The following DGAT1 variants were observed in gnomAD, a reference collection of about 807,000 sequenced individuals.
DGAT1 encodes ACAT related gene product 1.
A neutral mutation model predicts 72.6 loss-of-function variants in DGAT1; 60 were observed. That is an observed-to-expected ratio of 0.83 (90% CI 0.67 to 1.02). DGAT1 has a LOEUF of 1.02. DGAT1 is among the 50% of genes least tolerant of loss of function. DGAT1 has a pLI of 0.00. For missense variants in DGAT1, 592 were observed against 670.0 expected (o/e 0.88, Z 1.29); for synonymous variants, 290 against 267.5 (o/e 1.08, Z -0.82).
Position 144,314,969 on chromosome 8 carries a change from C to A in DGAT1, c.*1585G>T, listed in dbSNP as rs1171547434. 1 of 985,742 alleles carries A rather than the reference C, an allele frequency of 1.0e-6. No homozygotes were observed. Among genetic ancestry groups the A allele is most frequent in the Non-Finnish European group, 1.2e-6 (1 of 830,310 alleles). The allele number at this position is 985,742 out of a possible 1,614,324, so 61.1% of individuals were successfully genotyped here. A position where few individuals can be genotyped will look rare whatever the true frequency, so the allele number is the denominator to read the frequency against. On this transcript the variant is annotated 3_prime_UTR_variant, in exon 17 of 17. Transcript: ENST00000528718. ...TGGTTGTCACAGGACCACCAGGAAC[C>A]CCCTTCCCAAGGTGTTCGCACTCGG... is the stretch of plus-strand genomic sequence containing the variant.
At position 144,319,573 on chromosome 8, in the gene DGAT1, G is replaced by A. The variant is rs1206652067; in HGVS notation, c.289-505C>T. 3.9e-5 allele frequency among the ~76,000 whole-genome samples: 6 copies of A among 152,322 alleles called. No individual in the cohort carries two copies. In the East Asian group the frequency reaches 1.2e-3, roughly 29 times the overall value. ...AGGGGGAGTTGTCTACTCTTTCTCT[G>A]CAGGAGCAGTGTCCAGCTGTGTCGC... On this transcript the variant is annotated intron_variant, in intron 2 of 16. Coordinates refer to ENST00000528718, the MANE Select transcript of DGAT1 (RefSeq NM_012079.6).
chr8:144,319,787 C>T (rs1231070923), intron 2 of DGAT1, among the ~76,000 whole-genome samples: 1 of 152,216 alleles, frequency 6.6e-6, no homozygotes, highest in Non-Finnish European at 1.5e-5. Context: ...ACAGGAACCT[C>T]CTCCTCCATC....
rs782637933 is a variant in DGAT1 at position 144,318,184 on chromosome 8, G to A, written c.677-15C>T. ...CCCTGCAGAGGCTACGAGCACAGCA[G>A]AGTGGGAGGGGGCTGGTGGGGCCCT... On this transcript the variant is annotated splice_polypyrimidine_tract_variant and intron_variant, in intron 7 of 16. Transcript: ENST00000528718. The A allele has an allele frequency of 2.5e-6, 4 of 1,608,714 alleles. No homozygotes were observed. The highest frequency in any genetic ancestry group is 1.3e-5 in the African/African-American group (1 of 74,814).
chr8:144,319,290 ATCAC>A, intron 2 of DGAT1, among the ~76,000 whole-genome samples: 1 of 152,310 alleles, frequency 6.6e-6, no homozygotes, highest in African/African-American at 2.4e-5. Flanking sequence ...CCCTGTCCCC[ATCAC>A]ACCAGACGGT....
At chr8:144,316,789 T>C in intron 16 of DGAT1, 64 bp downstream of exon 16, 1 of 1,594,378 alleles carries the variant, frequency 6.3e-7, no homozygotes, top group Non-Finnish European at 8.5e-7. Flanking sequence ...ATGGGGAGGG[T>C]CAGCCGAGGG....
rs1211464213 is a variant in DGAT1, at chr8:144,326,326, C to G, written c.200+111G>C. The G allele has an allele frequency of 2.9e-6, 3 of 1,043,010 alleles. No homozygotes were observed. In the South Asian group the frequency reaches 8.3e-5, roughly 29 times the overall value. 64.6% of individuals were successfully genotyped at this position (1,043,010 alleles called of 1,614,324 possible). A position where few individuals can be genotyped will look rare whatever the true frequency, so the allele number is the denominator to read the frequency against. Reference sequence around the variant, plus strand: ...CACAGGGCCCATAGGGCACACCGATCCCCGCTTAGCCCAGGGCCCATGTTC... The same window carrying G: ...CACAGGGCCCATAGGGCACACCGATGCCCGCTTAGCCCAGGGCCCATGTTC... On this transcript the variant is annotated intron_variant, in intron 1 of 16. Transcript: ENST00000528718.
chr8:144,324,103 G>A (rs1045414458), intron 1 of DGAT1, among the ~76,000 whole-genome samples: 36 of 152,336 alleles, frequency 2.4e-4, no homozygotes, highest in African/African-American at 8.2e-4. Flanking sequence ...AAAGAGCCTG[G>A]CAGGAGTGAG....
intron 1 of DGAT1, 125 bp downstream of exon 1, chr8:144,326,303 CAGGGCCCAT>C: frequency 1.2e-6 from 1 of 844,746 alleles, no homozygotes; most frequent in Non-Finnish European, 1.6e-6. Context: ...AGTTTCCCCA[CAGGGCCCAT>C]AGGGCACACC....
intron 16 of DGAT1, 49 bp downstream of exon 16, chr8:144,316,804 A>G: frequency 6.3e-7 from 1 of 1,598,360 alleles, no homozygotes; most frequent in South Asian, 1.1e-5. Context: ...CGAGGGGTTC[A>G]GGTGCGGGGT....
chr8:144,315,604 C>T lies in DGAT1; in HGVS notation c.*950G>A. On this transcript the variant is annotated 3_prime_UTR_variant, in exon 17 of 17. Transcript: ENST00000528718. ...GACCTCCCGCTACCATCAAGGGGGG[C>T]CCCATCTATCCAGCTTGGTGGATTG... 1.0e-6 allele frequency: 1 copy of T among 985,636 alleles called. No homozygotes were observed. The highest frequency in any genetic ancestry group is 1.2e-6 in the Non-Finnish European group (1 of 830,058). 61.1% of individuals were successfully genotyped at this position (985,636 alleles called of 1,614,324 possible).
intron 1 of DGAT1, among the ~76,000 whole-genome samples, chr8:144,326,185 C>T (rs1300446250): frequency 1.3e-5 from 2 of 152,094 alleles, no homozygotes; most frequent in Non-Finnish European, 2.9e-5. Context: ...GATGCACAGA[C>T]CCAAGAGGAT....
rs1554848799 is a variant in DGAT1, at chr8:144,326,503, TC to T, written c.133del (p.Asp45ThrfsTer22). 2.3e-6 allele frequency: 3 copies of T among 1,278,122 alleles called. No individual in the cohort carries two copies. Among genetic ancestry groups the T allele is most frequent in the Non-Finnish European group, 9.9e-7 (1 of 1,008,942 alleles). The allele number at this position is 1,278,122 out of a possible 1,614,324, so 79.2% of individuals were successfully genotyped here. On this transcript the variant is annotated frameshift_variant, in exon 1 of 17. Coordinates refer to ENST00000528718, the MANE Select transcript of DGAT1 (RefSeq NM_012079.6). LOFTEE classifies it high-confidence loss of function. The stretch of plus-strand genomic sequence containing the variant: ...CTTGTTGGGGGCCGGGGCTGGCGCG[TC>T]CCCCGCGGCTCCCACGTCGGGGCCC... ...AAGPDVGAAGDAPAPAPNKDG... is the reference protein window; with the variant it reads ...AAGPDVGAAGXAPAPAPNKDG...
rs1817351239 is a variant in DGAT1 at position 144,318,868 on chromosome 8, G to C, written c.382C>G (p.Pro128Ala). 6.2e-7 allele frequency: 1 copy of C among 1,612,012 alleles called. No homozygotes were observed. The highest frequency in any genetic ancestry group is 1.1e-5 in the South Asian group (1 of 90,858). The change falls in exon 4 of 17, where the codon CCC becomes GCC. Residue 128 changes from proline to alanine, a missense_variant. Coordinates refer to ENST00000528718, the MANE Select transcript of DGAT1 (RefSeq NM_012079.6). The stretch of plus-strand genomic sequence containing the variant: ...AGGCATGGGGCGGGCCAGCTATAGG[G>C]ATCCTTCAGGAACAGAGAAACCACC... The part of the protein sequence containing the change: ...IQVVSLFLKD[P>A]YSWPAPCLVI...
chr8:144,317,773 A>T lies in DGAT1; in HGVS notation c.894+11T>A, dbSNP rs1175747752. On this transcript the variant is annotated intron_variant, in intron 10 of 16. Coordinates refer to ENST00000528718, the MANE Select transcript of DGAT1 (RefSeq NM_012079.6). ...GCCCAGCTACACCCAACCCTGCCCT[A>T]CCCCACTTACCTGCTGGATCAGCCC... 6.2e-7 allele frequency: 1 copy of T among 1,612,888 alleles called. No individual in the cohort carries two copies. Among genetic ancestry groups the T allele is most frequent in the East Asian group, 2.2e-5 (1 of 44,860 alleles).
Position 144,315,738 on chromosome 8 carries a change from C to T in DGAT1, c.*816G>A, listed in dbSNP as rs1554846843. The T allele has an allele frequency of 1.2e-5, 11 of 915,770 alleles. No individual in the cohort carries two copies. The African/African-American group carries it at 1.8e-4, about 15-fold the overall frequency. The allele number at this position is 915,770 out of a possible 1,614,324, so 56.7% of individuals were successfully genotyped here. A position where few individuals can be genotyped will look rare whatever the true frequency, so the allele number is the denominator to read the frequency against. ...AAGGCAGGCCTGGGGATCAGGGGTG[C>T]CCCAACCTCGTGGAGGGCAGCTGAG... On this transcript the variant is annotated 3_prime_UTR_variant, in exon 17 of 17. Coordinates refer to ENST00000528718, the MANE Select transcript of DGAT1 (RefSeq NM_012079.6).
rs782474286 is a variant in DGAT1 at position 144,316,844 on chromosome 8, G to A, written c.1311+9C>T. 20 of 1,608,080 alleles carry A rather than the reference G, an allele frequency of 1.2e-5. No individual in the cohort carries two copies. Among genetic ancestry groups the A allele is most frequent in the Middle Eastern group, 1.6e-4 (1 of 6,078 alleles). ...GGGCGAGTGAGGAGGCCACGTGGGG[G>A]TCACTCACCTGAGCCATCATGCCCG... On this transcript the variant is annotated intron_variant, in intron 16 of 16. Coordinates refer to ENST00000528718, the MANE Select transcript of DGAT1 (RefSeq NM_012079.6).
At position 144,326,528 on chromosome 8, in the gene DGAT1, C is replaced by A; in HGVS notation, c.109G>T (p.Gly37Cys). The change falls in exon 1 of 17, where the codon GGC becomes TGC. Residue 37 changes from glycine (G) to cysteine (C), a missense_variant. Physicochemically the swap from Gly to Cys is radical, Grantham distance 159 (BLOSUM62 -3). Transcript: ENST00000528718. Reference protein sequence around the residue: ...AEEEVRDAAAGPDVGAAGDAP... With the variant: ...AEEEVRDAAACPDVGAAGDAP... ...TCCCCCGCGGCTCCCACGTCGGGGC[C>A]CGCAGCGGCGTCCCGCACCTCCTCT... 1 of 1,272,662 alleles carries A rather than the reference C, an allele frequency of 7.9e-7. No homozygotes were observed. The highest frequency in any genetic ancestry group is 9.9e-7 in the Non-Finnish European group (1 of 1,008,224). 78.8% of individuals were successfully genotyped at this position (1,272,662 alleles called of 1,614,324 possible).
In DGAT1 at chr8:144,316,281, G is replaced by A. The variant is rs1446737045; in HGVS notation, c.*273C>T. 3 of 439,670 alleles carry A rather than the reference G, an allele frequency of 6.8e-6. No individual in the cohort carries two copies. Among genetic ancestry groups the A allele is most frequent in the African/African-American group, 4.0e-5 (2 of 50,434 alleles). The allele number at this position is 439,670 out of a possible 1,614,324, so 27.2% of individuals were successfully genotyped here. A position where few individuals can be genotyped will look rare whatever the true frequency, so the allele number is the denominator to read the frequency against. On this transcript the variant is annotated 3_prime_UTR_variant, in exon 17 of 17. Transcript: ENST00000528718. ...CCACCAGGCCCCAGGCCCCTGGCAG[G>A]CTGAAGAGGTCACTGGACAGCACTT...
intron 16 of DGAT1, 47 bp downstream of exon 16, chr8:144,316,806 G>A (rs1554847098): frequency 6.3e-7 from 1 of 1,599,274 alleles, no homozygotes; most frequent in Non-Finnish European, 8.5e-7. Context: ...AGGGGTTCAG[G>A]TGCGGGGTAA....
Sources: gnomAD v4.1 joint callset for allele counts (sites outside exome capture counted in the v4.1 genomes callset) on GRCh38, gnomAD v4.1.1 for gene constraint, MANE v1.5 for transcripts, NCBI Gene and HGNC (gene_info 2026-07-23, HGNC 2026-07-21) for gene names.